The following PID1 variants were observed in gnomAD, a reference collection of about 807,000 sequenced individuals.
PID1 encodes the protein phosphotyrosine interaction domain containing 1.
PID1 carries 10 observed loss-of-function variants against 19.1 expected under a neutral mutation model. The observed-to-expected ratio is 0.52, with a 90% confidence interval of 0.32 to 0.89. The LOEUF (loss-of-function observed/expected upper bound fraction) is 0.89. Among genes scored for constraint, PID1 ranks in the 40% least tolerant of loss-of-function variants. The probability of loss-of-function intolerance (pLI) is 0.03; values close to 1 mark genes in which losing one functional copy is unlikely to be tolerated. For synonymous variants in PID1, 130 were observed against 116.0 expected, an observed-to-expected ratio of 1.12 and a Z score of -0.78; for missense variants, 248 against 285.3, an observed-to-expected ratio of 0.87 and a Z score of 0.94.
intron 2 of PID1, among the ~76,000 whole-genome samples, chr2:229,139,097 A>AAGAGAG (rs1161783548): frequency 1.3e-5 from 1 of 79,472 alleles, no homozygotes; most frequent in African/African-American, 6.1e-5. Flanking sequence ...GAAAGAAAGA[A>AAGAGAG]AGAAAGAAAG....
chr2:229,142,012 A>C (rs2106181486), intron 2 of PID1, among the ~76,000 whole-genome samples: 1 of 152,228 alleles, frequency 6.6e-6, no homozygotes, highest in South Asian at 2.1e-4. Flanking sequence ...AATGAAAAAA[A>C]AAATCCCCCT....
chr2:229,105,827 C>T (rs1695166287), intron 2 of PID1, among the ~76,000 whole-genome samples: 2 of 152,178 alleles, frequency 1.3e-5, no homozygotes, highest in Admixed American at 1.3e-4. Flanking sequence ...CGCCTGTAAT[C>T]CCAGCACTTT....
At chr2:229,235,399 C>T (rs1692303551) in intron 1 of PID1, among the ~76,000 whole-genome samples, 1 of 152,086 alleles carries the variant, frequency 6.6e-6, no homozygotes, top group South Asian at 2.1e-4. Flanking sequence ...TTGACTAAGA[C>T]CTCAGAAGGT....
intron 2 of PID1, among the ~76,000 whole-genome samples, chr2:229,113,590 G>GCA (rs1439042489): frequency 0.014 from 1,383 of 97,412 alleles, 21 homozygotes; most frequent in African/African-American, 0.04. Flanking sequence ...ATGTGTGTAT[G>GCA]CATATATGTG....
At chr2:229,208,903 G>C (rs1691665121) in intron 1 of PID1, among the ~76,000 whole-genome samples, 1 of 152,190 alleles carries the variant, frequency 6.6e-6, no homozygotes, top group Non-Finnish European at 1.5e-5. Context: ...GAGCCCTGGT[G>C]TAAGATGATA....
intron 2 of PID1, among the ~76,000 whole-genome samples, chr2:229,112,563 G>A (rs767744824): frequency 2.4e-4 from 36 of 152,124 alleles, no homozygotes; most frequent in Non-Finnish European, 4.4e-4. Flanking sequence ...TCAGCTCACT[G>A]CAAGTTCTGC....
intron 1 of PID1, among the ~76,000 whole-genome samples, chr2:229,192,607 T>G (rs1186716742): frequency 6.6e-6 from 1 of 152,174 alleles, no homozygotes; most frequent in Non-Finnish European, 1.5e-5. Flanking sequence ...AACAAAAGTA[T>G]CTTATGGAAC....
intron 2 of PID1, among the ~76,000 whole-genome samples, chr2:229,134,643 C>A (rs1211020035): frequency 1.9e-4 from 29 of 152,088 alleles, no homozygotes; most frequent in Admixed American, 1.9e-3. Flanking sequence ...GGAATGGTCC[C>A]ATACTATGAT....
At chr2:229,200,219 G>C (rs1381570398) in intron 1 of PID1, among the ~76,000 whole-genome samples, 3 of 151,956 alleles carry the variant, frequency 2.0e-5, no homozygotes, top group Admixed American at 6.6e-5. Context: ...AGTAATTGTG[G>C]TTTTTGCCAT....
chr2:229,093,123 T>C (rs893328242), intron 2 of PID1, among the ~76,000 whole-genome samples: 1 of 83,056 alleles, frequency 1.2e-5, no homozygotes, highest in African/African-American at 3.6e-5. Context: ...CTGGTCTTTC[T>C]TTCTTTTTCT....
rs145493230 is a variant in PID1, at chr2:229,131,492, A to G, written c.177+24326T>C. 2.8e-3 allele frequency among the ~76,000 whole-genome samples: 422 copies of G among 152,310 alleles called. 1 individual carries two copies. The highest frequency in any genetic ancestry group is 9.6e-3 in the African/African-American group (398 of 41,568). The stretch of plus-strand genomic sequence containing the variant: ...GTGATCCACCCATCTCAGCCTCCCG[A>G]AGTGCTGGGATTACAAGTGTGAGCC... On this transcript the variant is annotated intron_variant, in intron 2 of 2. Coordinates refer to ENST00000392055, the MANE Select transcript of PID1 (RefSeq NM_001100818.2).
At chr2:229,058,633 A>G (rs1284439513) in intron 2 of PID1, among the ~76,000 whole-genome samples, 1 of 151,682 alleles carries the variant, frequency 6.6e-6, no homozygotes, top group Non-Finnish European at 1.5e-5. Context: ...CCTCAGCGTC[A>G]TTGCACTTTC....
In PID1 at chr2:229,102,500, A is replaced by C. The variant is rs13386501; in HGVS notation, c.177+53318T>G. On this transcript the variant is annotated intron_variant, in intron 2 of 2. Coordinates refer to ENST00000392055, the MANE Select transcript of PID1 (RefSeq NM_001100818.2). ...AAAAGGAGGAAAGCGAGACTTAAGC[A>C]GAGACGGTTCCTCTCCAAACTAGCT... 2.1e-3 allele frequency among the ~76,000 whole-genome samples: 324 copies of C among 152,322 alleles called. 2 individuals carry two copies. Among genetic ancestry groups the C allele is most frequent in the African/African-American group, 7.3e-3 (304 of 41,572 alleles).
At chr2:229,119,495 ATT>A (rs2106156823) in intron 2 of PID1, among the ~76,000 whole-genome samples, 1 of 152,290 alleles carries the variant, frequency 6.6e-6, no homozygotes, top group South Asian at 2.1e-4. Flanking sequence ...TCTGTTCTTT[ATT>A]TAAAGCCATC....
intron 1 of PID1, among the ~76,000 whole-genome samples, chr2:229,231,627 G>A (rs1251457088): frequency 6.6e-6 from 1 of 152,086 alleles, no homozygotes; most frequent in African/African-American, 2.4e-5. Flanking sequence ...GCAGACTCAA[G>A]GCTAAAACCA....
chr2:229,150,350 G>C (rs961577232), intron 2 of PID1, among the ~76,000 whole-genome samples: 3 of 152,092 alleles, frequency 2.0e-5, no homozygotes, highest in Non-Finnish European at 4.4e-5. Flanking sequence ...GGGGCCAGGA[G>C]AAGCAACCCC....
chr2:229,140,717 T>A (rs1689994003), intron 2 of PID1, among the ~76,000 whole-genome samples: 2 of 152,172 alleles, frequency 1.3e-5, no homozygotes, highest in African/African-American at 2.4e-5. Context: ...TAACAAGATA[T>A]ACATACAATA....
chr2:229,216,885 A>AT (rs796802137), intron 1 of PID1, among the ~76,000 whole-genome samples: 12 of 112,008 alleles, frequency 1.1e-4, no homozygotes, highest in South Asian at 4.9e-4. Flanking sequence ...ATATACATAT[A>AT]TTTTTTTAAA....
At chr2:229,129,491 C>T (rs1412392934) in intron 2 of PID1, among the ~76,000 whole-genome samples, 1 of 151,866 alleles carries the variant, frequency 6.6e-6, no homozygotes, top group Non-Finnish European at 1.5e-5. Flanking sequence ...CTTTTACACA[C>T]CCAAACCTAA....
Sources: gnomAD v4.1 joint callset for allele counts (sites outside exome capture counted in the v4.1 genomes callset) on GRCh38, gnomAD v4.1.1 for gene constraint, MANE v1.5 for transcripts, NCBI Gene and HGNC (gene_info 2026-07-23, HGNC 2026-07-21) for gene names.